GALNT18: variants seen among roughly 807,000 people sequenced by gnomAD.
GALNT18 encodes the protein polypeptide N-acetylgalactosaminyltransferase 18.
Under a neutral mutation model 69.5 loss-of-function variants are expected in GALNT18, and 44 were observed. That is an observed-to-expected ratio of 0.63 (90% CI 0.50 to 0.81). The LOEUF (loss-of-function observed/expected upper bound fraction) is 0.81, where lower values mean the gene tolerates loss of function less well. GALNT18 is among the 40% of genes least tolerant of loss of function. The pLI is 0.00. For missense variants in GALNT18, 715 were observed against 810.0 expected, an observed-to-expected ratio of 0.88 and a Z score of 1.42; for synonymous variants, 364 against 318.2, an observed-to-expected ratio of 1.14 and a Z score of -1.53.
chr11:11,279,367 C>A (rs190471259), intron 10 of GALNT18, among the ~76,000 whole-genome samples: 2 of 152,134 alleles, frequency 1.3e-5, no homozygotes, highest in Non-Finnish European at 1.5e-5. Flanking sequence ...TCAGTTCTTA[C>A]AACTGTTGAA....
In GALNT18 at chr11:11,296,940, G is replaced by A. The variant is rs148143034; in HGVS notation, c.1513-3747C>T. Among the ~76,000 whole-genome samples the A allele has an allele frequency of 2.7e-3, 415 of 152,310 alleles. 7 individuals are homozygous for A. The highest frequency in any genetic ancestry group is 0.02 in the Admixed American group (302 of 15,304). On this transcript the variant is annotated intron_variant, in intron 9 of 10. Coordinates refer to ENST00000227756, the MANE Select transcript of GALNT18 (RefSeq NM_198516.3). ...CGAACACAAAAAAGGTGTTCAAGAT[G>A]CCCTACCTTCAGTGCCTGCAGTCCC...
chr11:11,418,898 T>C (rs1322338596), intron 3 of GALNT18, among the ~76,000 whole-genome samples: 1 of 152,192 alleles, frequency 6.6e-6, no homozygotes, highest in Non-Finnish European at 1.5e-5. Context: ...GATGTTGGAT[T>C]AGTTTTTAGG....
At chr11:11,292,100 T>C (rs1849310474) in intron 10 of GALNT18, among the ~76,000 whole-genome samples, 1 of 152,106 alleles carries the variant, frequency 6.6e-6, no homozygotes, top group Non-Finnish European at 1.5e-5. Flanking sequence ...CTCAGTTCCA[T>C]GAATACAGGT....
chr11:11,369,624 T>C (rs1453009678), intron 6 of GALNT18, among the ~76,000 whole-genome samples: 1 of 150,562 alleles, frequency 6.6e-6, no homozygotes, highest in African/African-American at 2.4e-5. Context: ...CATAATAGTC[T>C]CCAACAATTT....
chr11:11,432,486 T>C lies in GALNT18; in HGVS notation c.595+135A>G, dbSNP rs182326864. On this transcript the variant is annotated intron_variant, in intron 3 of 10. Coordinates refer to ENST00000227756, the MANE Select transcript of GALNT18 (RefSeq NM_198516.3). This position sits in a 1 kb window ranked among gnomAD's most constrained non-coding sequence, Gnocchi z 5.8. Reference sequence around the variant, plus strand: ...GAACCTTCTGAAGCAGTGGCCACCATGAATTTCTCATCTATGCTCCAGAGA... The same window carrying C: ...GAACCTTCTGAAGCAGTGGCCACCACGAATTTCTCATCTATGCTCCAGAGA... 9 of 890,894 alleles carry C rather than the reference T, an allele frequency of 1.0e-5. No homozygotes were observed. In the East Asian group the frequency reaches 1.1e-4, roughly 11 times the overall value. The allele number at this position is 890,894 out of a possible 1,614,324, so 55.2% of individuals were successfully genotyped here. A position where few individuals can be genotyped will look rare whatever the true frequency, so the allele number is the denominator to read the frequency against.
In GALNT18 at chr11:11,465,590, G is replaced by T. The variant is rs1856138836; in HGVS notation, c.236-16654C>A. On this transcript the variant is annotated intron_variant, in intron 1 of 10. Transcript: ENST00000227756. The surrounding 1 kb of genome is among the most constrained non-coding windows in gnomAD (Gnocchi z 5.7). The stretch of plus-strand genomic sequence containing the variant: ...GAGAATGGCCTCCGGGAACCAGAGA[G>T]GCCTGGAGGTGACAAGCTTCTCTGC... Among the ~76,000 whole-genome samples the T allele has an allele frequency of 1.3e-5, 2 of 152,170 alleles. No homozygotes were observed. The highest frequency in any genetic ancestry group is 6.5e-5 in the Admixed American group (1 of 15,288).
At chr11:11,274,511 G>C (rs189028277) in intron 10 of GALNT18, among the ~76,000 whole-genome samples, 8 of 152,246 alleles carry the variant, frequency 5.3e-5, no homozygotes, top group African/African-American at 1.9e-4. Flanking sequence ...GTTGGGTGAG[G>C]GACATCCGCC....
chr11:11,559,386 G>A (rs1218841952), intron 1 of GALNT18, among the ~76,000 whole-genome samples: 1 of 152,202 alleles, frequency 6.6e-6, no homozygotes, highest in Non-Finnish European at 1.5e-5. Context: ...CCAACTGTCT[G>A]CTTCTTTCTC....
At chr11:11,597,885 C>T (rs1859539961) in intron 1 of GALNT18, among the ~76,000 whole-genome samples, 1 of 152,100 alleles carries the variant, frequency 6.6e-6, no homozygotes, top group Non-Finnish European at 1.5e-5. Flanking sequence ...TGGTCTCGAT[C>T]TCCTGATCTC....
rs1180883900 is a variant in GALNT18 at position 11,277,118 on chromosome 11, T to C, written c.1678-5828A>G. Reference sequence around the variant, plus strand: ...CAACTCTTTGTGCCTCTGGTAGAATTTGGCTGTGAATCCGTCTGGTCCTGG... The same window carrying C: ...CAACTCTTTGTGCCTCTGGTAGAATCTGGCTGTGAATCCGTCTGGTCCTGG... On this transcript the variant is annotated intron_variant, in intron 10 of 10. Coordinates refer to ENST00000227756, the MANE Select transcript of GALNT18 (RefSeq NM_198516.3). 7.2e-5 allele frequency among the ~76,000 whole-genome samples: 11 copies of C among 152,308 alleles called. No individual in the cohort carries two copies. In the East Asian group the frequency reaches 9.6e-4, roughly 13 times the overall value.
chr11:11,445,217 C>T (rs1461690361), intron 2 of GALNT18, among the ~76,000 whole-genome samples: 1 of 152,222 alleles, frequency 6.6e-6, no homozygotes. Context: ...GCCAGACCAC[C>T]TGCCCCAGCT....
At chr11:11,386,278 A>G (rs956636823) in intron 3 of GALNT18, among the ~76,000 whole-genome samples, 22 of 152,272 alleles carry the variant, frequency 1.4e-4, no homozygotes, top group Middle Eastern at 3.4e-3. Flanking sequence ...CCACAGCAGT[A>G]CCATGTTCAT....
rs1036734059 is a variant in GALNT18, at chr11:11,480,924, A to G, written c.236-31988T>C. Among the ~76,000 whole-genome samples, 14 of 152,174 alleles carry G rather than the reference A, an allele frequency of 9.2e-5. No individual in the cohort carries two copies. Among genetic ancestry groups the G allele is most frequent in the African/African-American group, 3.4e-4 (14 of 41,446 alleles). ...GAACCTCCAAGAGTGAAATGTACCT[A>G]CAGCCCTGGGCAACCTCATGTGACT... On this transcript the variant is annotated intron_variant, in intron 1 of 10. Transcript: ENST00000227756. This position sits in a 1 kb window ranked among gnomAD's most constrained non-coding sequence, Gnocchi z 4.6.
At chr11:11,311,226 C>G (rs1441911891) in intron 9 of GALNT18, among the ~76,000 whole-genome samples, 1 of 152,182 alleles carries the variant, frequency 6.6e-6, no homozygotes, top group African/African-American at 2.4e-5. Flanking sequence ...CTCAAGTACC[C>G]AACTTCTTGA....
At chr11:11,484,517 C>T (rs2133874625) in intron 1 of GALNT18, among the ~76,000 whole-genome samples, 1 of 146,516 alleles carries the variant, frequency 6.8e-6, no homozygotes, top group African/African-American at 2.5e-5. Flanking sequence ...TGCTTGAACC[C>T]AGGAGGCGGA....
chr11:11,552,143 G>T (rs1858211609), intron 1 of GALNT18, among the ~76,000 whole-genome samples: 1 of 150,818 alleles, frequency 6.6e-6, no homozygotes, highest in South Asian at 2.1e-4. Flanking sequence ...TCACTGAAAA[G>T]AAGGAAAAGG....
chr11:11,448,618 G>T (rs2133819239), intron 2 of GALNT18, 126 bp downstream of exon 2: 2 of 692,256 alleles, frequency 2.9e-6, no homozygotes, highest in East Asian at 3.0e-5. Flanking sequence ...GAGGGGACAG[G>T]CCCTGGCTGA....
chr11:11,615,143 T>C (rs142600915), intron 1 of GALNT18, among the ~76,000 whole-genome samples: 1 of 152,312 alleles, frequency 6.6e-6, no homozygotes, highest in South Asian at 2.1e-4. Context: ...ATAAACTCCA[T>C]GCACTCAGCA....
intron 10 of GALNT18, among the ~76,000 whole-genome samples, chr11:11,283,724 C>T (rs552870806): frequency 6.6e-6 from 1 of 152,206 alleles, no homozygotes; most frequent in Admixed American, 6.5e-5. Flanking sequence ...TTGTGTAATA[C>T]TACAACTACA....
Sources: allele counts gnomAD v4.1 joint callset (sites outside exome capture counted in the v4.1 genomes callset), GRCh38; gene constraint gnomAD v4.1.1; non-coding constraint Gnocchi (gnomAD v3.1); transcripts MANE v1.5; gene names NCBI Gene and HGNC (gene_info 2026-07-23, HGNC 2026-07-21).